The following SORBS2 variants were observed in gnomAD, a reference collection of about 807,000 sequenced individuals.
SORBS2 encodes the protein sorbin and SH3 domain-containing protein 2.
Under a neutral mutation model 97.7 loss-of-function variants are expected in SORBS2, and 46 were observed. That is an observed-to-expected ratio of 0.47 (90% CI 0.37 to 0.60). The LOEUF is 0.60. Among genes scored for constraint, SORBS2 ranks in the 20% least tolerant of loss-of-function variants. The probability of loss-of-function intolerance (pLI) is 0.00; values close to 1 mark genes in which losing one functional copy is unlikely to be tolerated. For missense variants in SORBS2, 1,316 were observed against 1,282.3 expected, an observed-to-expected ratio of 1.03 and a Z score of -0.40; for synonymous variants, 476 against 473.4, an observed-to-expected ratio of 1.01 and a Z score of -0.07.
intron 1 of SORBS2, among the ~76,000 whole-genome samples, chr4:185,938,718 G>A (rs533748830): frequency 4.0e-5 from 6 of 150,394 alleles, no homozygotes; most frequent in African/African-American, 1.2e-4. Context: ...CCGCCTGTCA[G>A]CACCACTCCC....
intron 1 of SORBS2, among the ~76,000 whole-genome samples, chr4:185,834,431 G>C (rs181798027): frequency 6.6e-6 from 1 of 151,972 alleles, no homozygotes; most frequent in African/African-American, 2.4e-5. Flanking sequence ...GCATGTACAC[G>C]TTTCTATCAT....
At chr4:185,733,145 G>A (rs573941324) in intron 2 of SORBS2, among the ~76,000 whole-genome samples, 84 of 152,328 alleles carry the variant, frequency 5.5e-4, no homozygotes, top group African/African-American at 1.8e-3. Context: ...TTGTTGCAGC[G>A]CTCTAGAAAC....
At chr4:185,640,777 C>G (rs1432520532) in intron 4 of SORBS2, among the ~76,000 whole-genome samples, 1 of 152,118 alleles carries the variant, frequency 6.6e-6, no homozygotes, top group African/African-American at 2.4e-5. Flanking sequence ...GGGTAACTGA[C>G]AGGAGAGAGA....
intron 2 of SORBS2, among the ~76,000 whole-genome samples, chr4:185,725,141 C>T (rs926575879): frequency 3.3e-5 from 5 of 152,154 alleles, no homozygotes; most frequent in Non-Finnish European, 7.3e-5. Context: ...TTAGGCAGAT[C>T]TATTTTTGAG....
At position 185,938,273 on chromosome 4, in the gene SORBS2, C is replaced by T. The variant is rs568056851; in HGVS notation, c.-338+17923G>A. On this transcript the variant is annotated intron_variant, in intron 1 of 20. Coordinates refer to the SORBS2 transcript ENST00000284776. ...TCGGCCTCCCAAAGTGCTGAGATTA[C>T]AGGCGTGAGCCACCACGCCTGACCA... Among the ~76,000 whole-genome samples the T allele has an allele frequency of 2.6e-5, 4 of 152,166 alleles. No homozygotes were observed. The East Asian group carries it at 7.8e-4, about 30-fold the overall frequency.
At chr4:185,948,412 C>T (rs1053254032) in intron 1 of SORBS2, among the ~76,000 whole-genome samples, 1 of 151,904 alleles carries the variant, frequency 6.6e-6, no homozygotes, top group African/African-American at 2.4e-5. Flanking sequence ...GTTCATTCAT[C>T]CATTCAAGCT....
intron 1 of SORBS2, among the ~76,000 whole-genome samples, chr4:185,819,992 A>C (rs76073287): frequency 0.03 from 4,568 of 152,224 alleles, 170 homozygotes; most frequent in African/African-American, 0.08. Context: ...TCTAATTCTG[A>C]GGGCGGTTGT....
At chr4:185,942,748 C>G (rs1274660300) in intron 1 of SORBS2, among the ~76,000 whole-genome samples, 1 of 152,152 alleles carries the variant, frequency 6.6e-6, no homozygotes, top group Non-Finnish European at 1.5e-5. Flanking sequence ...ACCCCAAAAT[C>G]AGAACTATGG....
At chr4:185,839,233 T>C (rs1194946353) in intron 1 of SORBS2, among the ~76,000 whole-genome samples, 4 of 152,186 alleles carry the variant, frequency 2.6e-5, no homozygotes, top group African/African-American at 7.2e-5. Context: ...TCGGGGTAAC[T>C]TGGATACAAG....
intron 1 of SORBS2, among the ~76,000 whole-genome samples, chr4:185,886,905 A>C (rs1366413539): frequency 6.6e-6 from 1 of 152,248 alleles, no homozygotes; most frequent in Non-Finnish European, 1.5e-5. Context: ...AACTTAGACC[A>C]AATGGTCAGA....
chr4:185,850,898 T>A (rs905698761), intron 1 of SORBS2, among the ~76,000 whole-genome samples: 2 of 152,154 alleles, frequency 1.3e-5, no homozygotes. Context: ...CTGAATAGAA[T>A]GAAAAGGCAC....
intron 9 of SORBS2, 198 bp from the exon 22 acceptor site, chr4:185,615,357 A>T: frequency 1.8e-6 from 1 of 570,426 alleles, no homozygotes; most frequent in East Asian, 3.0e-5. Context: ...TTTAGAAATG[A>T]TTTCAAACAG....
Position 185,730,456 on chromosome 4 carries a change from G to A in SORBS2, c.-198+44771C>T, listed in dbSNP as rs542119921. ...GCTTTTCTTTGGTGTCACCCATTGT[G>A]TGCAGCACTGAGCTGGGGCCCTGGA... On this transcript the variant is annotated intron_variant, in intron 2 of 20. Coordinates refer to the SORBS2 transcript ENST00000284776. Among the ~76,000 whole-genome samples, 266 of 152,068 alleles carry A rather than the reference G, an allele frequency of 1.7e-3. 1 individual carries two copies. The highest frequency in any genetic ancestry group is 3.5e-3 in the Admixed American group (53 of 15,266).
intron 13 of SORBS2, among the ~76,000 whole-genome samples, chr4:185,591,695 T>C (rs891085489): frequency 1.3e-5 from 2 of 152,160 alleles, no homozygotes; most frequent in African/African-American, 4.8e-5. Context: ...ACTGATTCTT[T>C]TATTGAGCTT....
chr4:185,602,778 TA>T, intron 12 of SORBS2, among the ~76,000 whole-genome samples: 1 of 152,338 alleles, frequency 6.6e-6, no homozygotes, highest in Non-Finnish European at 1.5e-5. Context: ...GATGCAGAAT[TA>T]AACTATAATG....
intron 9 of SORBS2, among the ~76,000 whole-genome samples, chr4:185,617,066 C>G (rs1016691140): frequency 6.6e-6 from 1 of 152,268 alleles, no homozygotes; most frequent in Middle Eastern, 3.4e-3. Flanking sequence ...AAAATTAAGA[C>G]TTCTCAGAAG....
chr4:185,866,855 G>A (rs967821064), intron 1 of SORBS2, among the ~76,000 whole-genome samples: 13 of 152,112 alleles, frequency 8.5e-5, no homozygotes, highest in African/African-American at 3.1e-4. Context: ...GTTTCAGTGT[G>A]CATTCTATGC....
intron 4 of SORBS2, among the ~76,000 whole-genome samples, chr4:185,671,532 G>A (rs2097712112): frequency 6.6e-6 from 1 of 152,290 alleles, no homozygotes; most frequent in East Asian, 1.9e-4. Flanking sequence ...TAAAAATTAA[G>A]TAGGGCAATG....
rs528857326 is a variant in SORBS2, at chr4:185,627,489, A to G, written c.447-470T>C. Among the ~76,000 whole-genome samples, 22 of 152,322 alleles carry G rather than the reference A, an allele frequency of 1.4e-4. 1 individual carries two copies. The highest frequency in any genetic ancestry group is 8.8e-5 in the Non-Finnish European group (6 of 68,030). ...AGCCTCAGTCTCCTGAAGTGTTGGG[A>G]TTACAGGCGTGAACCACTGTGCCCG... is the stretch of plus-strand genomic sequence containing the variant. On this transcript the variant is annotated intron_variant, in intron 5 of 14. Transcript: ENST00000418609.
Sources: allele counts gnomAD v4.1 joint callset (sites outside exome capture counted in the v4.1 genomes callset), GRCh38; gene constraint gnomAD v4.1.1; transcripts MANE v1.5; gene names NCBI Gene and HGNC (gene_info 2026-07-23, HGNC 2026-07-21).